Variants in ST8SIA6 observed in about 807,000 individuals in gnomAD.
ST8SIA6 encodes ST8 alpha-N-acetyl-neuraminide alpha-2,8-sialyltransferase 6.
Under a neutral mutation model 33.6 loss-of-function variants are expected in ST8SIA6, and 39 were observed. The observed-to-expected ratio is 1.16, with a 90% CI of 0.90 to 1.52. The LOEUF (loss-of-function observed/expected upper bound fraction) is 1.52. Among genes scored for constraint, ST8SIA6 ranks in the 40% most tolerant of loss-of-function variants. ST8SIA6 has a pLI of 0.00. For missense variants in ST8SIA6, 441 were observed against 443.8 expected, an observed-to-expected ratio of 0.99 and a Z score of 0.06; for synonymous variants, 172 against 167.2, an observed-to-expected ratio of 1.03 and a Z score of -0.22.
rs1847853304 is a variant in ST8SIA6 at position 17,318,874 on chromosome 10, T to G, written c.*2004A>C. On this transcript the variant is annotated 3_prime_UTR_variant, in exon 8 of 8. Transcript: ENST00000377602. The stretch of plus-strand genomic sequence containing the variant: ...TTAGAAAGTTCTAAGTAATGTTCTG[T>G]TTTGGAACAAAAGAACATTATTGGC... 2.6e-6 allele frequency: 1 copy of G among 381,958 alleles called. No individual in the cohort carries two copies. Among genetic ancestry groups the G allele is most frequent in the African/African-American group, 2.1e-5 (1 of 47,206 alleles). 23.7% of individuals were successfully genotyped at this position (381,958 alleles called of 1,614,324 possible).
chr10:17,440,794 G>A (rs12240312), intron 2 of ST8SIA6, among the ~76,000 whole-genome samples: 1 of 152,066 alleles, frequency 6.6e-6, no homozygotes. Flanking sequence ...TGCTACAAAA[G>A]TCATTATAAA....
chr10:17,371,177 T>G (rs1174155577), intron 3 of ST8SIA6, among the ~76,000 whole-genome samples: 1 of 152,110 alleles, frequency 6.6e-6, no homozygotes, highest in African/African-American at 2.4e-5. Flanking sequence ...GATAGACACG[T>G]CATTAACTGA....
chr10:17,343,277 A>T (rs545882329), intron 4 of ST8SIA6, among the ~76,000 whole-genome samples: 1 of 152,312 alleles, frequency 6.6e-6, no homozygotes, highest in African/African-American at 2.4e-5. Flanking sequence ...AGCAAGATAG[A>T]GGGAATCTTT....
chr10:17,425,822 G>A (rs1436858272), intron 2 of ST8SIA6, among the ~76,000 whole-genome samples: 13 of 151,718 alleles, frequency 8.6e-5, no homozygotes, highest in Admixed American at 8.5e-4. Flanking sequence ...GGAGGGAAGC[G>A]GGAAGGTGGA....
At chr10:17,357,964 A>G (rs1209857652) in intron 4 of ST8SIA6, among the ~76,000 whole-genome samples, 2 of 152,156 alleles carry the variant, frequency 1.3e-5, no homozygotes, top group Non-Finnish European at 2.9e-5. Flanking sequence ...TTAGGTTATG[A>G]TTGTGCAATT....
At chr10:17,386,911 C>T (rs436299) in intron 3 of ST8SIA6, 1 of 152,294 alleles carries the variant, frequency 6.6e-6, no homozygotes, top group East Asian at 1.9e-4. Flanking sequence ...TGACGTAAGC[C>T]GCCTTGCGCC....
intron 2 of ST8SIA6, chr10:17,399,281 C>T (rs898782950): frequency 2.6e-5 from 4 of 152,126 alleles, no homozygotes. Context: ...GGATGACAGA[C>T]AAGTAAACAC....
At chr10:17,384,005 G>T (rs777872120) in intron 3 of ST8SIA6, among the ~76,000 whole-genome samples, 1 of 152,176 alleles carries the variant, frequency 6.6e-6, no homozygotes, top group African/African-American at 2.4e-5. Flanking sequence ...AGTTATTTGC[G>T]TAAGTGCAAT....
intron 2 of ST8SIA6, among the ~76,000 whole-genome samples, chr10:17,400,642 C>T (rs557364611): frequency 5.4e-4 from 82 of 152,286 alleles, no homozygotes; most frequent in African/African-American, 1.9e-3. Flanking sequence ...AATCACTAAA[C>T]GTAATCCAGC....
chr10:17,363,624 G>A (rs576231323), intron 3 of ST8SIA6, among the ~76,000 whole-genome samples: 1 of 152,260 alleles, frequency 6.6e-6, no homozygotes, highest in South Asian at 2.1e-4. Context: ...ATATGCTGGA[G>A]TTGGCTCATA....
chr10:17,404,681 G>T (rs10904951), intron 2 of ST8SIA6, among the ~76,000 whole-genome samples: 63,852 of 151,702 alleles, frequency 0.42, 14,085 homozygotes, highest in East Asian at 0.68. Context: ...ATGTTTCCTC[G>T]TAGTGATTTT....
chr10:17,369,877 A>G (rs1486902893), intron 3 of ST8SIA6, among the ~76,000 whole-genome samples: 1 of 152,114 alleles, frequency 6.6e-6, no homozygotes, highest in Non-Finnish European at 1.5e-5. Context: ...TATCTGCACA[A>G]TGTAACTTTT....
chr10:17,345,364 G>T (rs997027461), intron 4 of ST8SIA6, among the ~76,000 whole-genome samples: 6 of 152,196 alleles, frequency 3.9e-5, no homozygotes, highest in Non-Finnish European at 8.8e-5. Context: ...CCACAATCAT[G>T]CAAGCCCAAG....
intron 4 of ST8SIA6, among the ~76,000 whole-genome samples, chr10:17,332,101 T>C (rs538218902): frequency 6.6e-5 from 10 of 152,360 alleles, no homozygotes; most frequent in African/African-American, 2.2e-4. Context: ...GCTTCATCCA[T>C]GTCCCTGCAA....
intron 2 of ST8SIA6, among the ~76,000 whole-genome samples, chr10:17,423,418 C>T (rs942867711): frequency 6.6e-6 from 1 of 152,288 alleles, no homozygotes; most frequent in Admixed American, 6.5e-5. Flanking sequence ...TGTTTCCCTC[C>T]TCCAACTAGC....
intron 5 of ST8SIA6, among the ~76,000 whole-genome samples, chr10:17,328,285 A>G (rs529582705): frequency 1.3e-5 from 2 of 152,366 alleles, no homozygotes; most frequent in South Asian, 4.1e-4. Flanking sequence ...GCGAATGACC[A>G]GCCAGCGTGC....
intron 2 of ST8SIA6, among the ~76,000 whole-genome samples, chr10:17,440,385 T>C (rs1487340952): frequency 6.6e-6 from 1 of 152,016 alleles, no homozygotes; most frequent in Non-Finnish European, 1.5e-5. Context: ...TTTGTATTTT[T>C]AGTAGAGACG....
chr10:17,383,254 T>G (rs901058955), intron 3 of ST8SIA6, among the ~76,000 whole-genome samples: 1 of 152,224 alleles, frequency 6.6e-6, no homozygotes, highest in Non-Finnish European at 1.5e-5. Flanking sequence ...AATCAAATTA[T>G]CAATTATGTC....
chr10:17,333,677 A>T (rs1466309788), intron 4 of ST8SIA6, among the ~76,000 whole-genome samples: 1 of 12,832 alleles, frequency 7.8e-5, no homozygotes, highest in Non-Finnish European at 1.4e-4. Context: ...GCTGGGATAT[A>T]TATATATATA....
Sources: gnomAD v4.1 joint callset for allele counts (sites outside exome capture counted in the v4.1 genomes callset) on GRCh38, gnomAD v4.1.1 for gene constraint, MANE v1.5 for transcripts, NCBI Gene and HGNC (gene_info 2026-07-23, HGNC 2026-07-21) for gene names.